FAM177B: variants seen among roughly 807,000 people sequenced by gnomAD.
FAM177B encodes the protein protein FAM177B.
FAM177B carries 16 observed loss-of-function variants against 16.1 expected under a neutral mutation model. The observed-to-expected ratio is 0.99, with a 90% CI of 0.67 to 1.51. The LOEUF (loss-of-function observed/expected upper bound fraction) is 1.51, where lower values mean the gene tolerates loss of function less well. FAM177B is among the 40% of genes most tolerant of loss of function. The pLI is 0.00. For synonymous variants in FAM177B, 56 were observed against 59.9 expected (o/e 0.93, Z 0.30); for missense variants, 178 against 183.7 (o/e 0.97, Z 0.18).
chr1:222,745,228 A>G, intron 2 of FAM177B, among the ~76,000 whole-genome samples: 1 of 152,218 alleles, frequency 6.6e-6, no homozygotes, highest in East Asian at 1.9e-4. Context: ...TAAAACTGCT[A>G]CGAATATTCC....
At chr1:222,738,764 G>T (rs1235243065) in intron 2 of FAM177B, among the ~76,000 whole-genome samples, 1 of 152,168 alleles carries the variant, frequency 6.6e-6, no homozygotes, top group Non-Finnish European at 1.5e-5. Context: ...CAAGGTTTTT[G>T]TAAATAAGTT....
At position 222,745,871 on chromosome 1, in the gene FAM177B, G is replaced by A. The variant is rs1199224011; in HGVS notation, c.-15-660G>A. On this transcript the variant is annotated intron_variant, in intron 2 of 5. Transcript: ENST00000445590. ...AGAGGTTGCGGTGAGCCGAGATCAC[G>A]CCATTGCACTCCAGCCTGGGCAACA... 1.2e-4 allele frequency among the ~76,000 whole-genome samples: 18 copies of A among 151,136 alleles called. 1 individual carries two copies. The South Asian group carries it at 1.3e-3, about 11-fold the overall frequency.
At position 222,750,092 on chromosome 1, in the gene FAM177B, C is replaced by T. The variant is rs533621500; in HGVS notation, c.*34C>T. On this transcript the variant is annotated 3_prime_UTR_variant, in exon 6 of 6. Transcript: ENST00000445590. ...ATCCAGGGAGGGTCTGGTGGCAGATCCTAGCTCATGATGGCAGCAAAGACT... is the reference window on the plus strand; with the variant it reads ...ATCCAGGGAGGGTCTGGTGGCAGATTCTAGCTCATGATGGCAGCAAAGACT... 80 of 1,599,818 alleles carry T rather than the reference C, an allele frequency of 5.0e-5. No individual in the cohort carries two copies. The Admixed American group carries it at 1.4e-3, about 28-fold the overall frequency.
chr1:222,750,727 G>A lies in FAM177B; in HGVS notation c.*669G>A, dbSNP rs534473475. The stretch of plus-strand genomic sequence containing the variant: ...GAAATTTTCAAAACCTGGAAAGATC[G>A]AACATGGAAATCATTGTTAGATAAC... On this transcript the variant is annotated 3_prime_UTR_variant, in exon 6 of 6. Coordinates refer to ENST00000445590, the MANE Select transcript of FAM177B (RefSeq NM_001394345.1). 21 of 340,572 alleles carry A rather than the reference G, an allele frequency of 6.2e-5. No individual in the cohort carries two copies. The highest frequency in any genetic ancestry group is 5.0e-4 in the East Asian group (3 of 6,004). 21.1% of individuals were successfully genotyped at this position (340,572 alleles called of 1,614,324 possible). A position where few individuals can be genotyped will look rare whatever the true frequency, so the allele number is the denominator to read the frequency against.
chr1:222,738,265 A>G (rs1018048365), intron 2 of FAM177B, among the ~76,000 whole-genome samples: 5 of 152,278 alleles, frequency 3.3e-5, no homozygotes, highest in Admixed American at 1.3e-4. Context: ...AAGAAAGCAG[A>G]TAGGAAAGAG....
chr1:222,748,704 C>G (rs1658911104), intron 4 of FAM177B, among the ~76,000 whole-genome samples: 1 of 151,884 alleles, frequency 6.6e-6, no homozygotes, highest in Non-Finnish European at 1.5e-5. Flanking sequence ...GGCAGTGCAG[C>G]AAATAAACAG....
intron 2 of FAM177B, among the ~76,000 whole-genome samples, chr1:222,740,513 A>G (rs1658473683): frequency 6.6e-6 from 1 of 152,056 alleles, no homozygotes; most frequent in African/African-American, 2.4e-5. Context: ...TTGAAGCTAT[A>G]CATTCTAATT....
Position 222,749,539 on chromosome 1 carries a change from G to C in FAM177B, c.316G>C (p.Glu106Gln). 3 of 1,600,592 alleles carry C rather than the reference G, an allele frequency of 1.9e-6. No homozygotes were observed. Among genetic ancestry groups the C allele is most frequent in the Non-Finnish European group, 2.6e-6 (3 of 1,169,382 alleles). ...TQPKYQYVLN[E>Q]FYRIQNKKSD... is the part of the protein sequence containing the mutation. Reference sequence around the variant, plus strand: ...ACCCAAATATCAGTATGTGTTAAACGAGTTCTATAGGATACAAAACAAGGT... The same window carrying C: ...ACCCAAATATCAGTATGTGTTAAACCAGTTCTATAGGATACAAAACAAGGT... The change falls in exon 5 of 6, where the codon GAG (glutamate) becomes CAG (glutamine). Residue 106 changes from glutamate (E) to glutamine (Q), a missense_variant. By Grantham distance (29) the Glu-to-Gln change is conservative. Transcript: ENST00000445590.
rs1383635241 is a variant in FAM177B, at chr1:222,750,544, A to G, written c.*486A>G. 3 of 984,600 alleles carry G rather than the reference A, an allele frequency of 3.0e-6. No individual in the cohort carries two copies. 61.0% of individuals were successfully genotyped at this position (984,600 alleles called of 1,614,324 possible). ...AACAACCATCCTGGCGTAGTTGGGG[A>G]TTGTTTTACAATAAGTAAACATTGC... On this transcript the variant is annotated 3_prime_UTR_variant, in exon 6 of 6. Coordinates refer to ENST00000445590, the MANE Select transcript of FAM177B (RefSeq NM_001394345.1).
intron 2 of FAM177B, among the ~76,000 whole-genome samples, chr1:222,740,035 G>A (rs1658452246): frequency 6.6e-6 from 1 of 152,022 alleles, no homozygotes; most frequent in Non-Finnish European, 1.5e-5. Context: ...TTCTTACTGA[G>A]GCTTTTCTGT....
chr1:222,746,512 CCT>C lies in FAM177B; in HGVS notation c.-15-18_-15-17del, dbSNP rs111682421. The C allele has an allele frequency of 0.13, 193,232 of 1,488,926 alleles. 14,330 individuals carry two copies. The highest frequency in any genetic ancestry group is 0.29 in the African/African-American group (20,947 of 72,394). The allele number at this position is 1,488,926 out of a possible 1,614,324, so 92.2% of individuals were successfully genotyped here. A position where few individuals can be genotyped will look rare whatever the true frequency, so the allele number is the denominator to read the frequency against. On this transcript the variant is annotated splice_polypyrimidine_tract_variant and intron_variant, in intron 2 of 5. Coordinates refer to ENST00000445590, the MANE Select transcript of FAM177B (RefSeq NM_001394345.1). ...CTCTGGGTAACTTGCCCTAAGGTGC[CCT>C]GTTTTTAATTTTCTAGTTGTTTTGT...
chr1:222,744,387 G>A (rs112043396), intron 2 of FAM177B, among the ~76,000 whole-genome samples: 7,305 of 151,192 alleles, frequency 0.048, 217 homozygotes, highest in East Asian at 0.13. Flanking sequence ...CAGGAGAATC[G>A]CTTGAATCTG....
intron 2 of FAM177B, among the ~76,000 whole-genome samples, chr1:222,741,905 CCTCT>C (rs71175184): frequency 0.059 from 4,597 of 77,750 alleles, 281 homozygotes; most frequent in African/African-American, 0.17. Flanking sequence ...TCCCTCCCTC[CCTCT>C]CTCTCTCTCT....
intron 4 of FAM177B, among the ~76,000 whole-genome samples, chr1:222,748,776 G>A (rs889059182): frequency 6.6e-6 from 1 of 152,176 alleles, no homozygotes; most frequent in Non-Finnish European, 1.5e-5. Flanking sequence ...TCATTTTGAT[G>A]CCCTATATGA....
intron 2 of FAM177B, among the ~76,000 whole-genome samples, chr1:222,742,154 A>C (rs761591521): frequency 1.3e-4 from 19 of 151,994 alleles, no homozygotes; most frequent in Non-Finnish European, 2.4e-4. Context: ...TTTCTCATCT[A>C]TCCTTTATAT....
chr1:222,740,350 T>A (rs1172398310), intron 2 of FAM177B, among the ~76,000 whole-genome samples: 1 of 152,242 alleles, frequency 6.6e-6, no homozygotes, highest in Non-Finnish European at 1.5e-5. Context: ...TGACTGACAG[T>A]CCATTTGCAT....
chr1:222,747,977 G>A (rs1658875080), intron 4 of FAM177B, among the ~76,000 whole-genome samples: 3 of 152,206 alleles, frequency 2.0e-5, no homozygotes, highest in African/African-American at 4.8e-5. Context: ...CGGGCATGCT[G>A]ACATGTGGGG....
At chr1:222,737,437 A>T (rs1049636828) in intron 1 of FAM177B, 115 bp downstream of exon 1, 2 of 152,218 alleles carry the variant, frequency 1.3e-5, no homozygotes, top group Non-Finnish European at 2.9e-5. Context: ...TGAGTTAAAG[A>T]CTGGAAATGA....
In FAM177B at chr1:222,750,350, G is replaced by T; in HGVS notation, c.*292G>T. 2.6e-6 allele frequency: 3 copies of T among 1,134,076 alleles called. No individual in the cohort carries two copies. Among genetic ancestry groups the T allele is most frequent in the Non-Finnish European group, 2.2e-6 (2 of 926,074 alleles). 70.3% of individuals were successfully genotyped at this position (1,134,076 alleles called of 1,614,324 possible). ...ACAAGTCCCATGAGTACTGACATTT[G>T]CACAGTAGCATAAATGCCTTAAGGA... On this transcript the variant is annotated 3_prime_UTR_variant, in exon 6 of 6. Coordinates refer to ENST00000445590, the MANE Select transcript of FAM177B (RefSeq NM_001394345.1).
Sources: gnomAD v4.1 joint callset for allele counts (sites outside exome capture counted in the v4.1 genomes callset) on GRCh38, gnomAD v4.1.1 for gene constraint, MANE v1.5 for transcripts, NCBI Gene and HGNC (gene_info 2026-07-23, HGNC 2026-07-21) for gene names.